Variants in DUSP22 observed in about 807,000 individuals in gnomAD.
The protein encoded by DUSP22 is dual specificity phosphatase 22.
DUSP22 carries 24 observed loss-of-function variants against 24.5 expected under a neutral mutation model. The observed-to-expected ratio is 0.98, with a 90% confidence interval of 0.71 to 1.38. The LOEUF (loss-of-function observed/expected upper bound fraction) is 1.38, where lower values mean the gene tolerates loss of function less well. Ranked by LOEUF, DUSP22 falls within the 40% of genes most tolerant of loss-of-function variation. The pLI is 0.00. For missense variants in DUSP22, 330 were observed against 269.2 expected, an observed-to-expected ratio of 1.23 and a Z score of -1.58; for synonymous variants, 160 against 106.4, an observed-to-expected ratio of 1.50 and a Z score of -3.10.
At chr6:310,748 T>C (rs1367163101) in intron 2 of DUSP22, among the ~76,000 whole-genome samples, 1 of 152,308 alleles carries the variant, frequency 6.6e-6, no homozygotes, top group East Asian at 1.9e-4. Context: ...ATATTTTAAA[T>C]ATCCCTAATA....
intron 4 of DUSP22, among the ~76,000 whole-genome samples, chr6:342,545 C>A (rs540184638): frequency 3.9e-4 from 60 of 152,406 alleles, no homozygotes; most frequent in African/African-American, 1.4e-3. Context: ...GGAGCCACTT[C>A]TGGGCCAGAT....
chr6:320,939 G>A (rs1479783649), intron 3 of DUSP22, among the ~76,000 whole-genome samples: 1 of 152,302 alleles, frequency 6.6e-6, no homozygotes, highest in Non-Finnish European at 1.5e-5. Context: ...AAAATACAAA[G>A]AGAAGTGAGA....
chr6:311,614 A>G (rs1758098999), intron 2 of DUSP22, among the ~76,000 whole-genome samples: 1 of 152,294 alleles, frequency 6.6e-6, no homozygotes, highest in Non-Finnish European at 1.5e-5. Flanking sequence ...CGGGAGGCGG[A>G]GCTTGCAGTG....
chr6:348,596 C>A, intron 6 of DUSP22, 173 bp from the exon 7 acceptor site: 1 of 1,149,954 alleles, frequency 8.7e-7, no homozygotes, highest in Non-Finnish European at 1.2e-6. Flanking sequence ...AGGAGCAGTT[C>A]CTTCTCTTGC....
At chr6:307,985 C>T (rs1051628626) in intron 2 of DUSP22, among the ~76,000 whole-genome samples, 2 of 152,428 alleles carry the variant, frequency 1.3e-5, no homozygotes, top group South Asian at 2.1e-4. Flanking sequence ...AACTGATAAC[C>T]TTCCTGTTGG....
rs1014831117 is a variant in DUSP22, at chr6:350,806, T to G, written c.*1855T>G. 2 of 1,614,160 alleles carry G rather than the reference T, an allele frequency of 1.2e-6. No individual in the cohort carries two copies. Among genetic ancestry groups the G allele is most frequent in the African/African-American group, 2.7e-5 (2 of 74,966 alleles). On this transcript the variant is annotated 3_prime_UTR_variant, in exon 7 of 7. Coordinates refer to ENST00000419235, the MANE Select transcript of DUSP22 (RefSeq NM_001286555.3). The stretch of plus-strand genomic sequence containing the variant: ...TTGTTTTAATATTTGTTGCCAGTAA[T>G]GTTCTTTCTTCACAGCCGCTCCGGG...
chr6:304,923 C>T (rs1581148807), intron 2 of DUSP22, among the ~76,000 whole-genome samples: 2 of 152,414 alleles, frequency 1.3e-5, no homozygotes, highest in Admixed American at 1.3e-4. Context: ...ACTATCGGAG[C>T]CTCCTCTTAG....
At chr6:339,546 A>AT (rs11323464) in intron 4 of DUSP22, among the ~76,000 whole-genome samples, 24,701 of 144,312 alleles carry the variant, frequency 0.17, no homozygotes, top group Admixed American at 0.25. Flanking sequence ...GTAATTACAG[A>AT]TTTTTTTTTT....
chr6:295,602 C>T (rs1390037527), intron 1 of DUSP22, among the ~76,000 whole-genome samples: 2 of 152,148 alleles, frequency 1.3e-5, no homozygotes, highest in Non-Finnish European at 2.9e-5. Flanking sequence ...TGGCAAAACC[C>T]TGTTTCTACC....
At chr6:348,024 C>A in intron 5 of DUSP22, 79 bp from the exon 6 acceptor site, 2 of 1,579,344 alleles carry the variant, frequency 1.3e-6, no homozygotes, top group Admixed American at 3.4e-5. Flanking sequence ...TCCTTAGAGT[C>A]CCCCGCTCCA....
intron 3 of DUSP22, among the ~76,000 whole-genome samples, chr6:326,400 C>T (rs891050657): frequency 2.8e-5 from 4 of 141,694 alleles, no homozygotes; most frequent in East Asian, 4.3e-4. Context: ...TGGGCTTCCG[C>T]GTCCTGGTGT....
At chr6:314,733 C>T (rs1758265397) in intron 3 of DUSP22, among the ~76,000 whole-genome samples, 1 of 152,308 alleles carries the variant, frequency 6.6e-6, no homozygotes, top group African/African-American at 2.4e-5. Flanking sequence ...TATGTGCTTG[C>T]TTATGTGATG....
chr6:300,338 T>C (rs1383393788), intron 1 of DUSP22, among the ~76,000 whole-genome samples: 5 of 152,302 alleles, frequency 3.3e-5, no homozygotes, highest in African/African-American at 4.8e-5. Context: ...AGGTCTCCCT[T>C]GCCAAGGTGT....
At chr6:336,628 G>T (rs1759372078) in intron 4 of DUSP22, among the ~76,000 whole-genome samples, 1 of 152,304 alleles carries the variant, frequency 6.6e-6, no homozygotes, top group Non-Finnish European at 1.5e-5. Context: ...GGAACGGGAG[G>T]TGGGAAGCTG....
At position 311,981 on chromosome 6, in the gene DUSP22, G is replaced by A; in HGVS notation, c.138+19G>A. On this transcript the variant is annotated intron_variant, in intron 3 of 6. Transcript: ENST00000419235. ...GTTGGAGGTAAGAGAGCACCGTGGG[G>A]CGTGTGTGGGTGTCCTCATTTGTAT... is the stretch of plus-strand genomic sequence containing the variant. The A allele has an allele frequency of 1.2e-6, 2 of 1,605,344 alleles. No individual in the cohort carries two copies. Among genetic ancestry groups the A allele is most frequent in the Non-Finnish European group, 1.7e-6 (2 of 1,175,534 alleles).
At chr6:297,438 G>C (rs1757387323) in intron 1 of DUSP22, among the ~76,000 whole-genome samples, 1 of 152,308 alleles carries the variant, frequency 6.6e-6, no homozygotes, top group Non-Finnish European at 1.5e-5. Context: ...AGTTGGGAAA[G>C]GATTATAATT....
chr6:321,703 A>G lies in DUSP22; in HGVS notation c.138+9741A>G, dbSNP rs1001729186. On this transcript the variant is annotated intron_variant, in intron 3 of 6. Transcript: ENST00000419235. ...ATTGAAAGCAAAAGAAAAAATAATA[A>G]TAATTAGGGTAAAGAGGGAAACTAC... is the stretch of plus-strand genomic sequence containing the variant. Among the ~76,000 whole-genome samples the G allele has an allele frequency of 4.6e-5, 7 of 152,308 alleles. No individual in the cohort carries two copies. In the East Asian group the frequency reaches 7.7e-4, roughly 17 times the overall value.
chr6:337,764 C>G (rs1759422230), intron 4 of DUSP22, among the ~76,000 whole-genome samples: 1 of 152,306 alleles, frequency 6.6e-6, no homozygotes, highest in Non-Finnish European at 1.5e-5. Flanking sequence ...ATTTTTCACC[C>G]CTCACCTCCT....
intron 3 of DUSP22, among the ~76,000 whole-genome samples, chr6:316,009 A>G (rs1758322145): frequency 6.6e-6 from 1 of 152,306 alleles, no homozygotes; most frequent in African/African-American, 2.4e-5. Context: ...CTGCCGTTGA[A>G]TCTGGAGACA....
Sources: gnomAD v4.1 joint callset for allele counts (sites outside exome capture counted in the v4.1 genomes callset) on GRCh38, gnomAD v4.1.1 for gene constraint, MANE v1.5 for transcripts, NCBI Gene and HGNC (gene_info 2026-07-23, HGNC 2026-07-21) for gene names.